Variants in MYH8 observed in about 807,000 individuals in gnomAD.
MYH8 encodes myosin-8.
MYH8 carries 168 observed loss-of-function variants against 233.2 expected under a neutral mutation model. That is an observed-to-expected ratio of 0.72 (90% CI 0.64 to 0.82). The LOEUF (loss-of-function observed/expected upper bound fraction) is 0.82. Among genes scored for constraint, MYH8 ranks in the 40% least tolerant of loss-of-function variants. The pLI is 0.00. For synonymous variants in MYH8, 785 were observed against 850.6 expected, an observed-to-expected ratio of 0.92 and a Z score of 1.34; for missense variants, 1,995 against 2,327.8, an observed-to-expected ratio of 0.86 and a Z score of 2.94.
intron 17 of MYH8, among the ~76,000 whole-genome samples, chr17:10,408,691 T>C (rs953716791): frequency 7.2e-5 from 11 of 152,170 alleles, no homozygotes; most frequent in African/African-American, 1.4e-4. Flanking sequence ...GACAAAGATA[T>C]GTTTTGGTGA....
chr17:10,408,431 C>T (rs992944930), intron 17 of MYH8, among the ~76,000 whole-genome samples: 11 of 152,056 alleles, frequency 7.2e-5, no homozygotes, highest in African/African-American at 1.9e-4. Flanking sequence ...GATCATAGGT[C>T]GTATGTCGTG....
At position 10,420,169 on chromosome 17, in the gene MYH8, C is replaced by T. The variant is rs201580344; in HGVS notation, c.59G>A (p.Arg20Gln). 77 of 1,613,946 alleles carry T rather than the reference C, an allele frequency of 4.8e-5. No individual in the cohort carries two copies. The African/African-American group carries it at 8.1e-4, about 17-fold the overall frequency. ...CTCAATCCGCTCCTTTTCTGATTTTCGAAGGTAGGGAGCAGCTTCGCCAAA... is the reference window on the plus strand; with the variant it reads ...CTCAATCCGCTCCTTTTCTGATTTTTGAAGGTAGGGAGCAGCTTCGCCAAA... ...AVFGEAAPYL[R>Q]KSEKERIEAQ... Residue 20 changes from arginine (R) to glutamine (Q), a missense_variant, in exon 3 of 40, where the codon CGA becomes CAA. Physicochemically the swap from Arg to Gln is conservative, Grantham distance 43. This residue lies in a region of MYH8 where 479 missense variants were observed against 600.9 expected (regional missense o/e 0.80). Transcript: ENST00000403437.
intron 2 of MYH8, among the ~76,000 whole-genome samples, chr17:10,420,882 A>G (rs887682075): frequency 3.3e-5 from 5 of 152,204 alleles, no homozygotes; most frequent in Non-Finnish European, 5.9e-5. Flanking sequence ...TGATTCCAAA[A>G]TCTTTTTTGA....
At position 10,418,941 on chromosome 17, in the gene MYH8, G is replaced by A. The variant is rs185811727; in HGVS notation, c.300C>T (p.His100=). Residue 100 remains histidine, a synonymous_variant, in exon 4 of 40, where the codon CAC becomes CAT. Coordinates refer to ENST00000403437, the MANE Select transcript of MYH8 (RefSeq NM_002472.3). ...IEDMAMMTHL[H]EPGVLYNLKE... ...TGAGGTTGTACAGCACTCCAGGCTC[G>A]TGTAGATGAGTCATCATGGCCATGT... 8 of 1,614,066 alleles carry A rather than the reference G, an allele frequency of 5.0e-6. No homozygotes were observed. The highest frequency in any genetic ancestry group is 4.0e-5 in the African/African-American group (3 of 74,924).
rs561674216 is a variant in MYH8, at chr17:10,392,147, G to A, written c.5569-170C>T. Among the ~76,000 whole-genome samples the A allele has an allele frequency of 3.9e-5, 6 of 152,292 alleles. No individual in the cohort carries two copies. In the South Asian group the frequency reaches 1.2e-3, roughly 32 times the overall value. On this transcript the variant is annotated intron_variant, in intron 38 of 39. Transcript: ENST00000403437. Reference sequence around the variant, plus strand: ...AGCACTCTTGGTAAATGTTTCCACTGTGCAGGTACTGTATTAGAGAATTGC... The same window carrying A: ...AGCACTCTTGGTAAATGTTTCCACTATGCAGGTACTGTATTAGAGAATTGC...
At chr17:10,392,688 T>A in intron 37 of MYH8, 42 bp from the exon 38 acceptor site, 1 of 1,612,138 alleles carries the variant, frequency 6.2e-7, no homozygotes, top group South Asian at 1.1e-5. Context: ...TCTTGGGGGA[T>A]ATTAATTAGC....
intron 22 of MYH8, among the ~76,000 whole-genome samples, chr17:10,403,875 G>A (rs186945189): frequency 1.4e-4 from 21 of 152,280 alleles, no homozygotes; most frequent in Non-Finnish European, 2.4e-4. Context: ...TGACATGCTG[G>A]TAGTTCAGTT....
Position 10,414,029 on chromosome 17 carries a change from G to A in MYH8, c.1020C>T (p.Asp340=). The change falls in exon 12 of 40, where the codon GAC becomes GAT. Residue 340 remains aspartate, a synonymous_variant. Transcript: ENST00000403437. ...TCTCTTCAGGAGTGAAGCCCAGGAT[G>A]TCAATGGCACTCTACCAGGAAAAAT... ...EELMATDSAI[D]ILGFTPEEKV... 2 of 1,614,102 alleles carry A rather than the reference G, an allele frequency of 1.2e-6. No individual in the cohort carries two copies. Among genetic ancestry groups the A allele is most frequent in the Non-Finnish European group, 1.7e-6 (2 of 1,180,012 alleles).
At chr17:10,411,033 A>G in intron 14 of MYH8, 86 bp from the exon 15 acceptor site, 1 of 1,602,330 alleles carries the variant, frequency 6.2e-7, no homozygotes, top group Non-Finnish European at 8.5e-7. Context: ...TATTGAAAAA[A>G]TGTGGAATGT....
At position 10,390,570 on chromosome 17, in the gene MYH8, G is replaced by A. The variant is rs1165675056; in HGVS notation, c.5698C>T (p.Arg1900Cys). The A allele has an allele frequency of 3.7e-6, 6 of 1,614,004 alleles. No homozygotes were observed. The highest frequency in any genetic ancestry group is 4.5e-5 in the East Asian group (2 of 44,892). The change falls in exon 40 of 40, where the codon CGC becomes TGC. Residue 1900 changes from arginine to cysteine, a missense_variant. Arg to Cys is a radical substitution (Grantham distance 180). Transcript: ENST00000403437. ...TCCTCCAGCTCATGCTGGAGTTTGC[G>A]GAATTTAGATAGATTAGCATTGGAT... ...EQSNANLSKF[R>C]KLQHELEEAE...
chr17:10,406,089 C>T lies in MYH8; in HGVS notation c.2384G>A (p.Cys795Tyr). The T allele has an allele frequency of 6.2e-7, 1 of 1,614,076 alleles. No individual in the cohort carries two copies. Among genetic ancestry groups the T allele is most frequent in the Non-Finnish European group, 8.5e-7 (1 of 1,179,996 alleles). ...TTCTACCCTCATTAGGAATCCCCTA[C>T]AGACAGCTTGTGTTCTTGTTATAAT... ...AQIITRTQAV[C>Y]RGFLMRVEYQ... is the part of the protein sequence containing the mutation. Residue 795 changes from cysteine (C) to tyrosine (Y), a missense_variant, in exon 21 of 40, where the codon TGT becomes TAT. Physicochemically the swap from Cys to Tyr is radical, Grantham distance 194 (BLOSUM62 -2). Transcript: ENST00000403437.
intron 17 of MYH8, among the ~76,000 whole-genome samples, chr17:10,408,106 A>G (rs1181846140): frequency 5.3e-5 from 8 of 151,762 alleles, no homozygotes; most frequent in African/African-American, 1.9e-4. Context: ...ATGCCCGGCT[A>G]ATTTTTATAT....
intron 14 of MYH8, among the ~76,000 whole-genome samples, 163 bp downstream of exon 14, chr17:10,412,207 T>TAGTA (rs1420355067): frequency 6.6e-6 from 1 of 152,236 alleles, no homozygotes; most frequent in Non-Finnish European, 1.5e-5. Context: ...TAGCTATTAT[T>TAGTA]AGTAGTACAT....
intron 17 of MYH8, among the ~76,000 whole-genome samples, chr17:10,408,235 G>A (rs181814271): frequency 3.9e-5 from 6 of 151,996 alleles, no homozygotes; most frequent in African/African-American, 7.2e-5. Flanking sequence ...CACTGCGCCC[G>A]GCCAAGAAGG....
In MYH8 at chr17:10,418,897, C is replaced by A. The variant is rs1388811847; in HGVS notation, c.344G>T (p.Trp115Leu). Residue 115 changes from tryptophan (W) to leucine (L), a missense_variant, in exon 4 of 40, where the codon TGG becomes TTG. Physicochemically the swap from Trp to Leu is moderately conservative, Grantham distance 61. Around this residue, in one of 3 missense-constraint regions of MYH8, gnomAD observed 479 missense variants for 600.9 expected, o/e 0.80. Transcript: ENST00000403437. Reference protein sequence around the residue: ...LYNLKERYAAWMIYTYSGLFC... With the variant: ...LYNLKERYAALMIYTYSGLFC... ...TTTACAGACACTCACGTAGATCATC[C>A]AGGCTGCATAGCGCTCTTTGAGGTT... The A allele has an allele frequency of 6.2e-7, 1 of 1,613,974 alleles. No homozygotes were observed. The highest frequency in any genetic ancestry group is 8.5e-7 in the Non-Finnish European group (1 of 1,180,014).
chr17:10,390,931 C>A (rs1351764849), intron 39 of MYH8, among the ~76,000 whole-genome samples: 1 of 152,104 alleles, frequency 6.6e-6, no homozygotes, highest in Non-Finnish European at 1.5e-5. Flanking sequence ...GGGGAAATAC[C>A]ACTTAATATA....
rs915170143 is a variant in MYH8, at chr17:10,390,401, A to T, written c.*53T>A. 1 of 1,609,690 alleles carries T rather than the reference A, an allele frequency of 6.2e-7. No homozygotes were observed. Among genetic ancestry groups the T allele is most frequent in the African/African-American group, 1.3e-5 (1 of 74,830 alleles). On this transcript the variant is annotated 3_prime_UTR_variant, in exon 40 of 40. Coordinates refer to ENST00000403437, the MANE Select transcript of MYH8 (RefSeq NM_002472.3). Reference sequence around the variant, plus strand: ...AACGTCATAAAGCAAGTGACCAAAAATAGCACATTTTGTGCCTTTCTTCAG... The same window carrying T: ...AACGTCATAAAGCAAGTGACCAAAATTAGCACATTTTGTGCCTTTCTTCAG...
In MYH8 at chr17:10,417,865, C is replaced by CA. The variant is rs925426015; in HGVS notation, c.511+779dup. Among the ~76,000 whole-genome samples, 19 of 151,914 alleles carry CA rather than the reference C, an allele frequency of 1.3e-4. No individual in the cohort carries two copies. The highest frequency in any genetic ancestry group is 5.9e-4 in the Admixed American group (9 of 15,252). Reference sequence around the variant, plus strand: ...CGAAAAGACAATTTAAAAACAAGTGCAAAAAAACAAACCAAAAAGAAAGAA... The same window carrying CA: ...CGAAAAGACAATTTAAAAACAAGTGCAAAAAAAACAAACCAAAAAGAAAGAA... On this transcript the variant is annotated intron_variant, in intron 5 of 39. Transcript: ENST00000403437. The surrounding 1 kb of genome is among the most constrained non-coding windows in gnomAD (Gnocchi z 4.1).
chr17:10,399,806 A>G (rs1032453665), intron 27 of MYH8, 137 bp from the exon 28 acceptor site: 3 of 1,293,300 alleles, frequency 2.3e-6, no homozygotes, highest in Non-Finnish European at 3.2e-6. Flanking sequence ...TCTGTGGAAC[A>G]TGCAAGAATT....
Sources: gnomAD v4.1 joint callset for allele counts (sites outside exome capture counted in the v4.1 genomes callset) on GRCh38, gnomAD v4.1.1 for gene constraint, gnomAD v4.1.1 regional missense constraint, Gnocchi (gnomAD v3.1) non-coding constraint, MANE v1.5 for transcripts, NCBI Gene and HGNC (gene_info 2026-07-23, HGNC 2026-07-21) for gene names.